CCDC102B: variants seen among roughly 807,000 people sequenced by gnomAD.
The protein encoded by CCDC102B is coiled-coil domain-containing protein 102B.
In CCDC102B, 75 loss-of-function variants were observed where a neutral mutation model predicts 57.4. The observed-to-expected ratio is 1.31, with a 90% CI of 1.08 to 1.58. The LOEUF (loss-of-function observed/expected upper bound fraction) is 1.58, where lower values mean the gene tolerates loss of function less well. CCDC102B is among the 40% of genes most tolerant of loss of function. CCDC102B has a pLI of 0.00. For missense variants in CCDC102B, 636 were observed against 582.6 expected, an observed-to-expected ratio of 1.09 and a Z score of -0.94; for synonymous variants, 206 against 201.9, an observed-to-expected ratio of 1.02 and a Z score of -0.17.
intron 3 of CCDC102B, 46 bp downstream of exon 3, chr18:68,838,972 T>G: frequency 6.9e-7 from 1 of 1,456,790 alleles, no homozygotes. Context: ...AAGTTTCAAA[T>G]CACTTAAAAT....
intron 4 of CCDC102B, among the ~76,000 whole-genome samples, chr18:68,849,232 CAT>C (rs2038013255): frequency 6.6e-6 from 1 of 152,026 alleles, no homozygotes; most frequent in African/African-American, 2.4e-5. Flanking sequence ...CTTTTTAAAA[CAT>C]ATGGCATATA....
chr18:68,957,597 T>C (rs1730801834), intron 6 of CCDC102B, among the ~76,000 whole-genome samples: 1 of 151,086 alleles, frequency 6.6e-6, no homozygotes, highest in African/African-American at 2.4e-5. Context: ...TGTCTGTTAT[T>C]GGTCTTTTGT....
chr18:68,857,090 A>T (rs1245442724), intron 4 of CCDC102B, among the ~76,000 whole-genome samples: 9 of 108,536 alleles, frequency 8.3e-5, no homozygotes, highest in African/African-American at 2.9e-4. Context: ...AAATATATTT[A>T]TATATTTTTA....
intron 5 of CCDC102B, among the ~76,000 whole-genome samples, chr18:68,881,933 C>A (rs1196226595): frequency 6.6e-6 from 1 of 152,096 alleles, no homozygotes. Flanking sequence ...GAGAATATAA[C>A]TCTCCTATGC....
chr18:68,988,569 A>C (rs1412644107), intron 6 of CCDC102B, among the ~76,000 whole-genome samples: 1 of 152,068 alleles, frequency 6.6e-6, no homozygotes, highest in African/African-American at 2.4e-5. Context: ...AAAAAAACAA[A>C]AAAAAAGGAA....
chr18:68,944,691 AAATAAT>A (rs138296938), intron 6 of CCDC102B, among the ~76,000 whole-genome samples: 3 of 151,618 alleles, frequency 2.0e-5, no homozygotes, highest in Non-Finnish European at 1.5e-5. Context: ...AAGTCATAGC[AAATAAT>A]AATAATAATA....
intron 2 of CCDC102B, among the ~76,000 whole-genome samples, chr18:68,734,289 A>G (rs1308695508): frequency 6.6e-6 from 1 of 152,206 alleles, no homozygotes; most frequent in Non-Finnish European, 1.5e-5. Flanking sequence ...GAAAAGACAA[A>G]TAGTTAAGAA....
At chr18:68,929,206 A>G (rs1034262088) in intron 6 of CCDC102B, among the ~76,000 whole-genome samples, 2 of 151,952 alleles carry the variant, frequency 1.3e-5, no homozygotes, top group African/African-American at 4.8e-5. Context: ...CAGAAAATGT[A>G]GCCTAACAGA....
At chr18:68,801,608 C>A (rs2144685178) in intron 1 of CCDC102B, among the ~76,000 whole-genome samples, 1 of 151,990 alleles carries the variant, frequency 6.6e-6, no homozygotes. Flanking sequence ...ATAAATATAT[C>A]TTATCATAGT....
chr18:68,787,037 AG>A (rs1322299754), intron 2 of CCDC102B, among the ~76,000 whole-genome samples: 8 of 151,240 alleles, frequency 5.3e-5, no homozygotes, highest in Admixed American at 6.6e-5. Flanking sequence ...TTTAGCATGA[AG>A]GGTTGTTGAA....
intron 6 of CCDC102B, among the ~76,000 whole-genome samples, chr18:68,983,948 C>T (rs531822956): frequency 1.3e-5 from 2 of 151,712 alleles, no homozygotes; most frequent in South Asian, 2.1e-4. Context: ...ACCAATATAA[C>T]ATTTTTTCAA....
At chr18:68,901,949 C>T (rs937835266) in intron 6 of CCDC102B, among the ~76,000 whole-genome samples, 7 of 152,282 alleles carry the variant, frequency 4.6e-5, no homozygotes, top group South Asian at 2.1e-4. Context: ...TCATTCTGAA[C>T]CCTGATCTGC....
intron 6 of CCDC102B, among the ~76,000 whole-genome samples, chr18:69,010,161 C>A (rs1162398629): frequency 7.3e-6 from 1 of 137,642 alleles, no homozygotes; most frequent in Admixed American, 7.6e-5. Flanking sequence ...CTAGGATGGT[C>A]TCCATCTTCT....
Position 68,846,341 on chromosome 18 carries a change from G to A in CCDC102B, c.856G>A (p.Glu286Lys). The A allele has an allele frequency of 6.3e-7, 1 of 1,576,214 alleles. No homozygotes were observed. The highest frequency in any genetic ancestry group is 8.6e-7 in the Non-Finnish European group (1 of 1,165,300). ...GCGCACAGCTTTGGAAAAAGAAATA[G>A]AGAGACTGGAGTCGGCTTTGTCTCT... is the stretch of plus-strand genomic sequence containing the variant. Reference protein sequence around the residue: ...EMRTALEKEIERLESALSLWK... With the variant: ...EMRTALEKEIKRLESALSLWK... Residue 286 changes from glutamate to lysine, a missense_variant, in exon 4 of 8, where the codon GAG becomes AAG. Physicochemically the swap from Glu to Lys is moderately conservative, Grantham distance 56. Transcript: ENST00000360242.
At chr18:68,991,687 A>G (rs981687843) in intron 6 of CCDC102B, among the ~76,000 whole-genome samples, 1 of 152,220 alleles carries the variant, frequency 6.6e-6, no homozygotes, top group Non-Finnish European at 1.5e-5. Context: ...TATTTGTTAG[A>G]GTTGTGATTT....
intron 2 of CCDC102B, among the ~76,000 whole-genome samples, chr18:68,791,854 C>G (rs569088826): frequency 6.6e-6 from 1 of 152,136 alleles, no homozygotes; most frequent in Non-Finnish European, 1.5e-5. Context: ...TAAATCGTAG[C>G]CTCATCTTTT....
intron 2 of CCDC102B, among the ~76,000 whole-genome samples, chr18:68,758,336 T>C (rs752068241): frequency 2.6e-5 from 4 of 151,906 alleles, no homozygotes; most frequent in Non-Finnish European, 5.9e-5. Flanking sequence ...ACACATTATT[T>C]TAACAAATCA....
chr18:68,765,444 G>T (rs1174050496), intron 2 of CCDC102B, among the ~76,000 whole-genome samples: 1 of 143,276 alleles, frequency 7.0e-6, no homozygotes, highest in Non-Finnish European at 1.5e-5. Context: ...AAGGAAGGAA[G>T]GAGAAAGAGG....
intron 6 of CCDC102B, among the ~76,000 whole-genome samples, chr18:68,928,391 G>C (rs973096329): frequency 2.6e-5 from 4 of 151,882 alleles, no homozygotes; most frequent in South Asian, 4.1e-4. Context: ...TTGATAATTA[G>C]AGAGGCAGAG....
Sources: allele counts gnomAD v4.1 joint callset (sites outside exome capture counted in the v4.1 genomes callset), GRCh38; gene constraint gnomAD v4.1.1; transcripts MANE v1.5; gene names NCBI Gene and HGNC (gene_info 2026-07-23, HGNC 2026-07-21).